Variants in CABLES1 observed in about 807,000 individuals in gnomAD.
The protein encoded by CABLES1 is CDK5 and ABL1 enzyme substrate 1.
A neutral mutation model predicts 57.8 loss-of-function variants in CABLES1; 36 were observed. The observed-to-expected ratio is 0.62, with a 90% confidence interval of 0.48 to 0.82. The LOEUF is 0.82. Ranked by LOEUF, CABLES1 falls within the 40% of genes least tolerant of loss-of-function variation. The pLI, the probability that CABLES1 is intolerant of heterozygous loss-of-function variation, is 0.00. For missense variants in CABLES1, 767 were observed against 836.6 expected (o/e 0.92, Z 1.03); for synonymous variants, 374 against 363.0 (o/e 1.03, Z -0.35).
At chr18:23,156,016 T>G in intron 1 of CABLES1, 1 of 1,569,420 alleles carries the variant, frequency 6.4e-7, no homozygotes. Flanking sequence ...GGCTCCCCCC[T>G]TTGGATGCTG....
chr18:23,224,444 A>T (rs17186847), intron 4 of CABLES1, among the ~76,000 whole-genome samples: 6,902 of 152,150 alleles, frequency 0.045, 558 homozygotes, highest in Admixed American at 0.21. Flanking sequence ...CCGTAAAAGG[A>T]CTATAATGTC....
At chr18:23,181,919 T>A (rs904000537) in intron 1 of CABLES1, among the ~76,000 whole-genome samples, 2 of 152,240 alleles carry the variant, frequency 1.3e-5, no homozygotes, top group Non-Finnish European at 2.9e-5. Flanking sequence ...GAAGTAATCA[T>A]GACCTCAGCT....
chr18:23,137,094 C>T (rs2046828074), intron 1 of CABLES1, among the ~76,000 whole-genome samples: 1 of 152,232 alleles, frequency 6.6e-6, no homozygotes, highest in Non-Finnish European at 1.5e-5. Context: ...CGCTCCAAGT[C>T]TTCTTGCGGC....
At chr18:23,167,643 T>C (rs1250295846) in intron 1 of CABLES1, among the ~76,000 whole-genome samples, 2 of 147,416 alleles carry the variant, frequency 1.4e-5, no homozygotes, top group African/African-American at 5.0e-5. Context: ...TAGGGAGCTC[T>C]AAATCAAGAG....
intron 1 of CABLES1, among the ~76,000 whole-genome samples, chr18:23,181,496 CA>C (rs59742943): frequency 8.8e-4 from 31 of 35,406 alleles, no homozygotes; most frequent in Admixed American, 2.1e-3. Context: ...AGCTTCGTCT[CA>C]AAAAAAAAAA....
intron 1 of CABLES1, among the ~76,000 whole-genome samples, chr18:23,164,750 A>G (rs1484209007): frequency 6.6e-6 from 1 of 151,880 alleles, no homozygotes; most frequent in Non-Finnish European, 1.5e-5. Context: ...GATAAAACAT[A>G]TAAAAATTTA....
In CABLES1 at chr18:23,257,304, C is replaced by T. The variant is rs752013669; in HGVS notation, c.1839C>T (p.Phe613=). Residue 613 remains phenylalanine, a synonymous_variant, in exon 10 of 10, where the codon TTC becomes TTT. Transcript: ENST00000256925. ...FEFPVLVALE[F]ALHLPEHEVM... ...TCCCGGTGTTAGTGGCCTTGGAATT[C>T]GCCCTCCACTTGCCCGAGCACGAAG... is the stretch of plus-strand genomic sequence containing the variant. The T allele has an allele frequency of 3.3e-5, 54 of 1,613,842 alleles. No individual in the cohort carries two copies. Among genetic ancestry groups the T allele is most frequent in the Non-Finnish European group, 4.1e-5 (48 of 1,179,984 alleles).
intron 1 of CABLES1, among the ~76,000 whole-genome samples, chr18:23,181,589 C>T (rs2047167649): frequency 1.4e-5 from 2 of 143,800 alleles, no homozygotes; most frequent in African/African-American, 5.0e-5. Context: ...GTCAGGTGCT[C>T]TCTGGGAAAA....
chr18:23,196,822 CA>C (rs34997001), intron 3 of CABLES1: 11,930 of 152,382 alleles, frequency 0.078, 973 homozygotes, highest in Admixed American at 0.22. Context: ...CAGCCTCAGT[CA>C]CATCTGTGCA....
At chr18:23,184,469 G>A (rs147745808) in intron 1 of CABLES1, among the ~76,000 whole-genome samples, 279 of 152,268 alleles carry the variant, frequency 1.8e-3, no homozygotes, top group Non-Finnish European at 3.7e-3. Flanking sequence ...TTGGGAGGCC[G>A]AGGCAGGCGG....
chr18:23,257,189 T>C (rs746111386), intron 9 of CABLES1, 38 bp from the exon 10 acceptor site: 4 of 1,606,346 alleles, frequency 2.5e-6, no homozygotes, highest in Non-Finnish European at 3.4e-6. Flanking sequence ...GATTTTAATT[T>C]CAAAATGAAC....
Position 23,194,453 on chromosome 18 carries a change from G to C in CABLES1, c.923G>C (p.Arg308Pro). The change falls in exon 3 of 10, where the codon CGA (arginine) becomes CCA (proline). Residue 308 changes from arginine (R) to proline (P), a missense_variant. Transcript: ENST00000256925. The part of the protein sequence containing the change: ...IEENAPLRRC[R>P]TLSGSPRPKN... ...GAAATGACTTTATTTTTCAGATGTC[G>C]AACTCTCTCAGGTTCACCCAGACCA... 1.2e-6 allele frequency: 2 copies of C among 1,606,534 alleles called. No individual in the cohort carries two copies. The highest frequency in any genetic ancestry group is 1.7e-6 in the Non-Finnish European group (2 of 1,173,258).
intron 1 of CABLES1, among the ~76,000 whole-genome samples, chr18:23,139,745 A>T (rs2046845877): frequency 6.6e-6 from 1 of 152,188 alleles, no homozygotes; most frequent in Admixed American, 6.5e-5. Context: ...AGCTACTGAG[A>T]GGCACATATG....
In CABLES1 at chr18:23,135,999, G is replaced by T; in HGVS notation, c.237G>T (p.Pro79=). The change falls in exon 1 of 10, where the codon CCG becomes CCT. Residue 79 remains proline, a synonymous_variant. Transcript: ENST00000256925. ...ACATCTCGCTGGACGGCCGGCTGCC[G>T]CCGCAGGACGCGGAGTGGGGCGGTG... ...LTNISLDGRL[P]PQDAEWGGGE... is the part of the protein sequence containing the mutation. 8.8e-7 allele frequency: 1 copy of T among 1,139,740 alleles called. No homozygotes were observed. Among genetic ancestry groups the T allele is most frequent in the Non-Finnish European group, 1.1e-6 (1 of 929,480 alleles). The allele number at this position is 1,139,740 out of a possible 1,614,324, so 70.6% of individuals were successfully genotyped here. A position where few individuals can be genotyped will look rare whatever the true frequency, so the allele number is the denominator to read the frequency against.
chr18:23,239,517 C>T (rs762844374), intron 7 of CABLES1, among the ~76,000 whole-genome samples: 3 of 152,074 alleles, frequency 2.0e-5, no homozygotes, highest in Admixed American at 6.5e-5. Flanking sequence ...TCCTAGAAGC[C>T]GACATGGGTT....
At chr18:23,237,119 T>G (rs752776242) in intron 6 of CABLES1, 23 bp from the exon 7 acceptor site, 1 of 1,400,740 alleles carries the variant, frequency 7.1e-7, no homozygotes, top group African/African-American at 1.4e-5. Flanking sequence ...ATTATCATTT[T>G]GCATTTTGCA....
intron 3 of CABLES1, among the ~76,000 whole-genome samples, chr18:23,202,798 AAC>A (rs1343508037): frequency 6.6e-6 from 1 of 152,084 alleles, no homozygotes; most frequent in African/African-American, 2.4e-5. Context: ...CATCCTGGCT[AAC>A]ACAGTGAAAC....
At chr18:23,157,271 C>T (rs774725945) in intron 1 of CABLES1, among the ~76,000 whole-genome samples, 13 of 151,962 alleles carry the variant, frequency 8.6e-5, no homozygotes, top group Admixed American at 4.6e-4. Flanking sequence ...TTTAGCAGGT[C>T]GGCAAGTCTG....
At chr18:23,200,060 T>C (rs1598825754) in intron 3 of CABLES1, among the ~76,000 whole-genome samples, 1 of 152,280 alleles carries the variant, frequency 6.6e-6, no homozygotes, top group Non-Finnish European at 1.5e-5. Flanking sequence ...AGGCACACAG[T>C]AGGCACTCAG....
Sources: gnomAD v4.1 joint callset for allele counts (sites outside exome capture counted in the v4.1 genomes callset) on GRCh38, gnomAD v4.1.1 for gene constraint, MANE v1.5 for transcripts, NCBI Gene and HGNC (gene_info 2026-07-23, HGNC 2026-07-21) for gene names.